Variants in GOLGA1 observed in about 807,000 individuals in gnomAD.
The protein encoded by GOLGA1 is golgin subfamily A member 1.
A neutral mutation model predicts 119.7 loss-of-function variants in GOLGA1; 63 were observed. The ratio of observed to expected loss-of-function variants is 0.53; its 90% confidence interval spans 0.43 to 0.65. The LOEUF (loss-of-function observed/expected upper bound fraction) is 0.65, where lower values mean the gene tolerates loss of function less well. Ranked by LOEUF, GOLGA1 falls within the 30% of genes least tolerant of loss-of-function variation. The probability of loss-of-function intolerance (pLI) is 0.00; values close to 1 mark genes in which losing one functional copy is unlikely to be tolerated. For missense variants in GOLGA1, 798 were observed against 912.8 expected (o/e 0.87, Z 1.62); for synonymous variants, 318 against 333.4 (o/e 0.95, Z 0.50).
chr9:124,934,635 G>A (rs1297309377), intron 3 of GOLGA1, among the ~76,000 whole-genome samples: 1 of 152,220 alleles, frequency 6.6e-6, no homozygotes, highest in South Asian at 2.1e-4. Context: ...AGAAGACCAT[G>A]ACAGTTTACC....
At chr9:124,882,381 C>G (rs1329739778) in intron 20 of GOLGA1, 129 bp downstream of exon 20, 6 of 694,428 alleles carry the variant, frequency 8.6e-6, no homozygotes, top group Non-Finnish European at 1.5e-5. Flanking sequence ...TTGGATTGCC[C>G]AGCGATCCCT....
At chr9:124,925,061 C>T (rs1286740491) in intron 7 of GOLGA1, among the ~76,000 whole-genome samples, 1 of 150,000 alleles carries the variant, frequency 6.7e-6, no homozygotes, top group Non-Finnish European at 1.5e-5. Flanking sequence ...GCCTGGGCGA[C>T]AGAGCAAGAC....
intron 12 of GOLGA1, among the ~76,000 whole-genome samples, chr9:124,905,780 T>A (rs1324864676): frequency 1.3e-5 from 2 of 152,102 alleles, no homozygotes; most frequent in African/African-American, 4.8e-5. Context: ...AGATCAACTT[T>A]AAAAAATGGC....
intron 4 of GOLGA1, among the ~76,000 whole-genome samples, chr9:124,930,417 G>A (rs2131519368): frequency 6.6e-6 from 1 of 152,330 alleles, no homozygotes; most frequent in Non-Finnish European, 1.5e-5. Flanking sequence ...CTTACTACTT[G>A]TGAGGCCTTA....
chr9:124,910,995 G>A (rs1421307617), intron 11 of GOLGA1, among the ~76,000 whole-genome samples: 1 of 152,212 alleles, frequency 6.6e-6, no homozygotes, highest in Non-Finnish European at 1.5e-5. Flanking sequence ...GTAAGCAGAA[G>A]AGGCAAAATG....
rs1303232624 is a variant in GOLGA1 at position 124,881,186 on chromosome 9, T to C, written c.2208A>G (p.Glu736=). ...FSQEEENMLK[E]TLEYKMSWFG... is the part of the protein sequence containing the mutation. ...AGAACCCTACCTTATATTCCAGAGT[T>C]TCCTTGAGCATGTTCTCCTCCTCTT... The change falls in exon 22 of 23, where the codon GAA becomes GAG. Residue 736 remains glutamate, a synonymous_variant. Coordinates refer to ENST00000373555, the MANE Select transcript of GOLGA1 (RefSeq NM_002077.4). The surrounding 1 kb of genome is among the most constrained non-coding windows in gnomAD (Gnocchi z 4.9). The C allele has an allele frequency of 6.4e-7, 1 of 1,555,840 alleles. No individual in the cohort carries two copies. Among genetic ancestry groups the C allele is most frequent in the Admixed American group, 1.7e-5 (1 of 59,954 alleles).
upstream of GOLGA1, among the ~76,000 whole-genome samples, chr9:124,941,973 C>A (rs142405583): frequency 6.6e-6 from 1 of 152,088 alleles, no homozygotes; most frequent in Non-Finnish European, 1.5e-5. Flanking sequence ...GAAAAACTAT[C>A]TTGTTCCAAG....
rs1335191605 is a variant in GOLGA1, at chr9:124,939,565, T to C, written c.-156+541A>G. Among the ~76,000 whole-genome samples, 25 of 136,988 alleles carry C rather than the reference T, an allele frequency of 1.8e-4. No individual in the cohort carries two copies. In the East Asian group the frequency reaches 3.9e-3, roughly 22 times the overall value. The allele number at this position is 136,988 out of a possible 152,430, so 89.9% of individuals were successfully genotyped here. On this transcript the variant is annotated intron_variant, in intron 2 of 22. Transcript: ENST00000373555. ...TTCTTTCTTTCTTTTTTTTTTTTTT[T>C]TTTTTTTTTTTTTTGAGATGGAGTT...
intron 19 of GOLGA1, among the ~76,000 whole-genome samples, chr9:124,883,730 G>T (rs1381747613): frequency 2.0e-5 from 3 of 151,960 alleles, no homozygotes; most frequent in African/African-American, 7.2e-5. Flanking sequence ...TTACAGGCAT[G>T]AGCCACCGCA....
At chr9:124,902,543 G>C (rs907254269) in intron 12 of GOLGA1, among the ~76,000 whole-genome samples, 3 of 151,906 alleles carry the variant, frequency 2.0e-5, no homozygotes, top group Non-Finnish European at 2.9e-5. Context: ...CTTGAGTGCA[G>C]TGGCGCGATC....
chr9:124,902,035 T>TCTTG (rs1830117657), intron 12 of GOLGA1, among the ~76,000 whole-genome samples: 2 of 152,376 alleles, frequency 1.3e-5, no homozygotes, highest in East Asian at 3.9e-4. Flanking sequence ...TTTTACCAGA[T>TCTTG]TCAAGCTACA....
chr9:124,885,848 C>T (rs1312724691), intron 19 of GOLGA1, among the ~76,000 whole-genome samples: 3 of 152,154 alleles, frequency 2.0e-5, no homozygotes, highest in African/African-American at 7.2e-5. Context: ...AGGCTTTCAT[C>T]AGAGGGCTAA....
intron 3 of GOLGA1, among the ~76,000 whole-genome samples, chr9:124,935,247 G>A (rs1830841762): frequency 6.6e-6 from 1 of 152,160 alleles, no homozygotes; most frequent in Non-Finnish European, 1.5e-5. Flanking sequence ...ATATTTTGGG[G>A]ATGGGACCCA....
intron 3 of GOLGA1, among the ~76,000 whole-genome samples, chr9:124,932,492 C>G (rs1348842222): frequency 6.6e-6 from 1 of 152,184 alleles, no homozygotes; most frequent in Admixed American, 6.5e-5. Context: ...AACTTAGGCT[C>G]ATTACTCAAC....
chr9:124,900,659 T>C (rs1471749885), intron 12 of GOLGA1, 112 bp from the exon 13 acceptor site: 2 of 542,670 alleles, frequency 3.7e-6, no homozygotes, highest in Non-Finnish European at 3.3e-6. Flanking sequence ...TAGAAAAATG[T>C]AACCTGAGAA....
rs1829590085 is a variant in GOLGA1, at chr9:124,881,833, T to C, written c.2087A>G (p.Glu696Gly). ...DLTDAREINF[E>G]YLKHVVLKFM... The stretch of plus-strand genomic sequence containing the variant: ...TTTTAAAACCACATGTTTAAGGTAC[T>C]CAAAGTTGATCTCGCGGGCATCTGT... The change falls in exon 21 of 23, where the codon GAG (glutamate) becomes GGG (glycine). Residue 696 changes from glutamate to glycine, a missense_variant. Physicochemically the swap from Glu to Gly is moderately conservative, Grantham distance 98. Coordinates refer to ENST00000373555, the MANE Select transcript of GOLGA1 (RefSeq NM_002077.4). This position sits in a 1 kb window ranked among gnomAD's most constrained non-coding sequence, Gnocchi z 4.9. 1 of 1,612,984 alleles carries C rather than the reference T, an allele frequency of 6.2e-7. No individual in the cohort carries two copies. Among genetic ancestry groups the C allele is most frequent in the Non-Finnish European group, 8.5e-7 (1 of 1,179,498 alleles).
At chr9:124,914,147 T>C (rs1375699120) in intron 10 of GOLGA1, among the ~76,000 whole-genome samples, 1 of 152,142 alleles carries the variant, frequency 6.6e-6, no homozygotes, top group East Asian at 1.9e-4. Flanking sequence ...TAGCAATAGT[T>C]ATAACTGTAA....
intron 10 of GOLGA1, among the ~76,000 whole-genome samples, chr9:124,912,320 C>G (rs1308076960): frequency 6.6e-6 from 1 of 152,130 alleles, no homozygotes; most frequent in Non-Finnish European, 1.5e-5. Context: ...CAGAACTAAT[C>G]CCACCAAGAA....
At chr9:124,923,248 C>T (rs1234558906) in intron 7 of GOLGA1, 25 bp from the exon 8 acceptor site, 2 of 1,555,592 alleles carry the variant, frequency 1.3e-6, no homozygotes, top group South Asian at 2.3e-5. Context: ...AAGACATCAA[C>T]TCAGGCAACG....
Sources: gnomAD v4.1 joint callset for allele counts (sites outside exome capture counted in the v4.1 genomes callset) on GRCh38, gnomAD v4.1.1 for gene constraint, Gnocchi (gnomAD v3.1) non-coding constraint, MANE v1.5 for transcripts, NCBI Gene and HGNC (gene_info 2026-07-23, HGNC 2026-07-21) for gene names.